Variants in AQP4 observed in about 807,000 individuals in gnomAD.
AQP4 encodes the protein aquaporin-4.
AQP4 carries 18 observed loss-of-function variants against 27.8 expected under a neutral mutation model. The observed-to-expected ratio is 0.65, with a 90% confidence interval of 0.45 to 0.96. The LOEUF is 0.96. Among genes scored for constraint, AQP4 ranks in the 40% least tolerant of loss-of-function variants. AQP4 has a pLI of 0.00. For synonymous variants in AQP4, 141 were observed against 142.9 expected (o/e 0.99, Z 0.10); for missense variants, 412 against 408.2 (o/e 1.01, Z -0.08).
In AQP4 at chr18:26,861,167, T is replaced by A; in HGVS notation, c.576A>T (p.Ala192=). 10 of 1,614,130 alleles carry A rather than the reference T, an allele frequency of 6.2e-6. No homozygotes were observed. The highest frequency in any genetic ancestry group is 8.5e-6 in the Non-Finnish European group (10 of 1,179,976). ...GTCCAATTGCAACAGAAAATCCAAT[T>A]GCTAAAGCTATTGAGCCAGTGACAT... ...RTDVTGSIAL[A]IGFSVAIGHL... is the part of the protein sequence containing the mutation. Residue 192 remains alanine (A), a synonymous_variant, in exon 3 of 5, where the codon GCA becomes GCT. Coordinates refer to ENST00000383168, the MANE Select transcript of AQP4 (RefSeq NM_001650.7).
In AQP4 at chr18:26,862,423, T is replaced by A. The variant is rs746127378; in HGVS notation, c.206A>T (p.Asp69Val). Residue 69 changes from aspartate (D) to valine (V), a missense_variant, in exon 2 of 5, where the codon GAC becomes GTC. Transcript: ENST00000383168. ...WGGTEKPLPVDMVLISLCFGL... is the reference protein window; with the variant it reads ...WGGTEKPLPVVMVLISLCFGL... ...AAAGCAAAGGGAGATGAGAACCATGTCGACCGGTAAAGGCTTTTCTGTTCC... is the reference window on the plus strand; with the variant it reads ...AAAGCAAAGGGAGATGAGAACCATGACGACCGGTAAAGGCTTTTCTGTTCC... 1.2e-6 allele frequency: 2 copies of A among 1,614,214 alleles called. No individual in the cohort carries two copies. Among genetic ancestry groups the A allele is most frequent in the South Asian group, 1.1e-5 (1 of 91,088 alleles).
intron 1 of AQP4, chr18:26,865,318 T>C (rs1486652747): frequency 4.7e-5 from 20 of 425,912 alleles, no homozygotes; most frequent in Non-Finnish European, 7.9e-5. Context: ...ACTTTCTAGC[T>C]GAACACTCAG....
chr18:26,861,078 G>C, intron 3 of AQP4, 53 bp downstream of exon 3: 1 of 1,597,128 alleles, frequency 6.3e-7, no homozygotes, highest in Non-Finnish European at 8.6e-7. Context: ...AGGCCAGCTA[G>C]AGTGAGGATA....
chr18:26,856,104 C>T lies in AQP4; in HGVS notation c.*107G>A, dbSNP rs1250949874. On this transcript the variant is annotated 3_prime_UTR_variant, in exon 5 of 5. Transcript: ENST00000383168. ...GACTGAGTAATATGACATGAAACAA[C>T]AAACCTGCACATTTCTAATTTATAA... is the stretch of plus-strand genomic sequence containing the variant. 1.4e-6 allele frequency: 2 copies of T among 1,407,446 alleles called. No homozygotes were observed. The highest frequency in any genetic ancestry group is 4.6e-5 in the East Asian group (2 of 43,806). The allele number at this position is 1,407,446 out of a possible 1,614,324, so 87.2% of individuals were successfully genotyped here.
Position 26,862,432 on chromosome 18 carries a change from A to G in AQP4, c.197T>C (p.Leu66Ser), listed in dbSNP as rs1360695259. 1.9e-6 allele frequency: 3 copies of G among 1,614,242 alleles called. No individual in the cohort carries two copies. The highest frequency in any genetic ancestry group is 1.7e-6 in the Non-Finnish European group (2 of 1,180,048). Residue 66 changes from leucine (L) to serine (S), a missense_variant, in exon 2 of 5, where the codon TTA becomes TCA. Coordinates refer to ENST00000383168, the MANE Select transcript of AQP4 (RefSeq NM_001650.7). Reference sequence around the variant, plus strand: ...GGAGATGAGAACCATGTCGACCGGTAAAGGCTTTTCTGTTCCACCCCAGTT... The same window carrying G: ...GGAGATGAGAACCATGTCGACCGGTGAAGGCTTTTCTGTTCCACCCCAGTT... ...TINWGGTEKP[L>S]PVDMVLISLC...
At chr18:26,860,237 G>A (rs1000294987) in intron 4 of AQP4, among the ~76,000 whole-genome samples, 12 of 152,130 alleles carry the variant, frequency 7.9e-5, no homozygotes, top group Admixed American at 2.6e-4. Context: ...CTATTTATTC[G>A]ACACCATCTG....
intron 1 of AQP4, among the ~76,000 whole-genome samples, chr18:26,865,038 C>CTT (rs58002791): frequency 0.11 from 16,332 of 146,522 alleles, 986 homozygotes; most frequent in Middle Eastern, 0.14. Flanking sequence ...ATGTTTTTAG[C>CTT]TTTTTTTTTT....
intron 4 of AQP4, among the ~76,000 whole-genome samples, chr18:26,860,302 C>CA (rs1467642568): frequency 1.3e-5 from 2 of 151,742 alleles, no homozygotes; most frequent in Non-Finnish European, 2.9e-5. Context: ...CATTTGTAAA[C>CA]AAAAAAAGGG....
chr18:26,862,255 C>T lies in AQP4; in HGVS notation c.374G>A (p.Gly125Glu), dbSNP rs1329916459. 2 of 1,614,130 alleles carry T rather than the reference C, an allele frequency of 1.2e-6. No individual in the cohort carries two copies. The highest frequency in any genetic ancestry group is 1.7e-6 in the Non-Finnish European group (2 of 1,180,034). ...SVFYIAAQCL[G>E]AIIGAGILYL... ...GAGGATTCCTGCTCCAATGATGGCC[C>T]CCAGGCACTGGGCTGCGATGTAGAA... The change falls in exon 2 of 5, where the codon GGG becomes GAG. Residue 125 changes from glycine (G) to glutamate (E), a missense_variant. Gly to Glu is a moderately conservative substitution (Grantham distance 98, BLOSUM62 -2). Transcript: ENST00000383168.
upstream of AQP4, chr18:26,865,770 C>T (rs2055051051): frequency 1.4e-5 from 22 of 1,564,076 alleles, no homozygotes; most frequent in Non-Finnish European, 1.9e-5. Context: ...GGCCACTTGT[C>T]TGATTGGGTT....
At chr18:26,857,611 C>T (rs1217086698) in intron 4 of AQP4, among the ~76,000 whole-genome samples, 1 of 152,054 alleles carries the variant, frequency 6.6e-6, no homozygotes, top group African/African-American at 2.4e-5. Flanking sequence ...CAGGTGTGAG[C>T]CACCGTGCCC....
At position 26,862,560 on chromosome 18, in the gene AQP4, C is replaced by T. The variant is rs1476758680; in HGVS notation, c.69G>A (p.Met23Ile). The T allele has an allele frequency of 3.1e-6, 5 of 1,613,978 alleles. No individual in the cohort carries two copies. The highest frequency in any genetic ancestry group is 1.7e-5 in the Admixed American group (1 of 60,000). The part of the protein sequence containing the change: ...CGPLCTRENI[M>I]VAFKGVWTQA... ...GAGTCCAGACCCCTTTGAAAGCCAC[C>T]ATGATGTTCTCTCTGGTACACAAAG... Residue 23 changes from methionine (M) to isoleucine (I), a missense_variant, in exon 2 of 5, where the codon ATG becomes ATA. Coordinates refer to ENST00000383168, the MANE Select transcript of AQP4 (RefSeq NM_001650.7).
At chr18:26,857,866 C>A (rs2054872687) in intron 4 of AQP4, among the ~76,000 whole-genome samples, 2 of 152,180 alleles carry the variant, frequency 1.3e-5, no homozygotes, top group African/African-American at 4.8e-5. Flanking sequence ...TATTATTATT[C>A]TTCCCATTTT....
Position 26,853,535 on chromosome 18 carries a change from T to A in AQP4, c.*2676A>T, listed in dbSNP as rs185698250. The A allele has an allele frequency of 6.6e-6, 1 of 152,364 alleles. No individual in the cohort carries two copies. The highest frequency in any genetic ancestry group is 1.9e-4 in the East Asian group (1 of 5,184). 9.4% of individuals were successfully genotyped at this position (152,364 alleles called of 1,614,324 possible). A position where few individuals can be genotyped will look rare whatever the true frequency, so the allele number is the denominator to read the frequency against. ...CTTAGGGAAGAGACAGTTGGCATTGTTTCATGGCTGGGTATAATTCATTTA... is the reference window on the plus strand; with the variant it reads ...CTTAGGGAAGAGACAGTTGGCATTGATTCATGGCTGGGTATAATTCATTTA... On this transcript the variant is annotated 3_prime_UTR_variant, in exon 5 of 5. Coordinates refer to ENST00000383168, the MANE Select transcript of AQP4 (RefSeq NM_001650.7).
rs2054820802 is a variant in AQP4, at chr18:26,855,270, C to A, written c.*941G>T. Reference sequence around the variant, plus strand: ...TCAGCTAATGTTTAAATATAGATAACCAAAGTTACAAACAAAATCCCCAGT... The same window carrying A: ...TCAGCTAATGTTTAAATATAGATAAACAAAGTTACAAACAAAATCCCCAGT... On this transcript the variant is annotated 3_prime_UTR_variant, in exon 5 of 5. Transcript: ENST00000383168. The A allele has an allele frequency of 6.6e-6, 1 of 152,030 alleles. No homozygotes were observed. Among genetic ancestry groups the A allele is most frequent in the South Asian group, 2.1e-4 (1 of 4,814 alleles). 9.4% of individuals were successfully genotyped at this position (152,030 alleles called of 1,614,324 possible). A position where few individuals can be genotyped will look rare whatever the true frequency, so the allele number is the denominator to read the frequency against.
chr18:26,855,994 T>A lies in AQP4; in HGVS notation c.*217A>T, dbSNP rs9944962. 1 of 605,360 alleles carries A rather than the reference T, an allele frequency of 1.7e-6. No individual in the cohort carries two copies. Among genetic ancestry groups the A allele is most frequent in the South Asian group, 2.1e-5 (1 of 48,342 alleles). The allele number at this position is 605,360 out of a possible 1,614,324, so 37.5% of individuals were successfully genotyped here. ...GGTATATATTTGCTTAAGAACATTT[T>A]AAAAATATTTCTTTTTTTAGATTTG... On this transcript the variant is annotated 3_prime_UTR_variant, in exon 5 of 5. Transcript: ENST00000383168.
intron 1 of AQP4, chr18:26,865,132 C>T (rs1161903143): frequency 1.2e-5 from 2 of 160,734 alleles, no homozygotes; most frequent in Non-Finnish European, 2.7e-5. Context: ...TTGCTGGCAG[C>T]ATATACATAT....
chr18:26,857,814 T>C lies in AQP4; in HGVS notation c.694-1325A>G, dbSNP rs535337843. 3.5e-4 allele frequency among the ~76,000 whole-genome samples: 53 copies of C among 152,324 alleles called. No individual in the cohort carries two copies. The South Asian group carries it at 8.5e-3, about 24-fold the overall frequency. On this transcript the variant is annotated intron_variant, in intron 4 of 4. Coordinates refer to ENST00000383168, the MANE Select transcript of AQP4 (RefSeq NM_001650.7). ...GGCCAGCCGTACTTGGCACTTTTCT[T>C]GTATAATCTCATTTAATTCTAACAA...
At position 26,860,786 on chromosome 18, in the gene AQP4, A is replaced by T; in HGVS notation, c.679T>A (p.Trp227Arg). 1 of 1,614,016 alleles carries T rather than the reference A, an allele frequency of 6.2e-7. No homozygotes were observed. The highest frequency in any genetic ancestry group is 8.5e-7 in the Non-Finnish European group (1 of 1,179,862). The change falls in exon 4 of 5, where the codon TGG becomes AGG. Residue 227 changes from tryptophan (W) to arginine (R), a missense_variant. Coordinates refer to ENST00000383168, the MANE Select transcript of AQP4 (RefSeq NM_001650.7). ...SFGPAVIMGN[W>R]ENHWIYWVGP... ...ATGAGGGTTACCCAATGGTTTTCCC[A>T]ATTTCCCATGATAACTGCAGGTCCA...
Sources: allele counts gnomAD v4.1 joint callset (sites outside exome capture counted in the v4.1 genomes callset), GRCh38; gene constraint gnomAD v4.1.1; transcripts MANE v1.5; gene names NCBI Gene and HGNC (gene_info 2026-07-23, HGNC 2026-07-21).